The following DUS2 variants were observed in gnomAD, a reference collection of about 807,000 sequenced individuals.
The protein encoded by DUS2 is tRNA-dihydrouridine(20) synthase [NAD(P)+]-like.
In DUS2, 52 loss-of-function variants were observed where a neutral mutation model predicts 71.3. That is an observed-to-expected ratio of 0.73 (90% CI 0.58 to 0.92). The LOEUF (loss-of-function observed/expected upper bound fraction) is 0.92. Ranked by LOEUF, DUS2 falls within the 40% of genes least tolerant of loss-of-function variation. The pLI, the probability that DUS2 is intolerant of heterozygous loss-of-function variation, is 0.00. For synonymous variants in DUS2, 204 were observed against 227.8 expected (o/e 0.90, Z 0.94); for missense variants, 558 against 622.6 (o/e 0.90, Z 1.10).
At chr16:68,053,750 G>A (rs559473301) in intron 5 of DUS2, 95 bp downstream of exon 5, 2 of 1,292,152 alleles carry the variant, frequency 1.5e-6, no homozygotes, top group South Asian at 1.2e-5. Context: ...TGAATACCTG[G>A]GGTACATTGT....
intron 14 of DUS2, among the ~76,000 whole-genome samples, chr16:68,075,884 A>C (rs1035773510): frequency 6.6e-6 from 1 of 151,860 alleles, no homozygotes; most frequent in African/African-American, 2.4e-5. Context: ...GCCCCTACCC[A>C]CACCCAGTGC....
At position 68,075,424 on chromosome 16, in the gene DUS2, C is replaced by T. The variant is rs769019145; in HGVS notation, c.1002C>T (p.Leu334=). 5 of 1,614,022 alleles carry T rather than the reference C, an allele frequency of 3.1e-6. No individual in the cohort carries two copies. Among genetic ancestry groups the T allele is most frequent in the Non-Finnish European group, 4.2e-6 (5 of 1,179,952 alleles). ...AGCTGGATGCCCAGCAGGCCAGGCT[C>T]TCAGCCAAGACTTCAGAGCAGACAG... ...TQELDAQQAR[L]SAKTSEQTGE... The change falls in exon 14 of 17, where the codon CTC becomes CTT. Residue 334 remains leucine, a synonymous_variant. Coordinates refer to ENST00000565263, the MANE Select transcript of DUS2 (RefSeq NM_017803.5).
chr16:68,069,342 T>G (rs1327671593), intron 10 of DUS2, among the ~76,000 whole-genome samples: 10 of 152,106 alleles, frequency 6.6e-5, no homozygotes, highest in Non-Finnish European at 8.8e-5. Flanking sequence ...GAGCCGAGAT[T>G]GCACCATTGC....
chr16:68,044,548 AC>A (rs1410309575), intron 3 of DUS2, among the ~76,000 whole-genome samples: 2 of 150,960 alleles, frequency 1.3e-5, no homozygotes, highest in South Asian at 2.1e-4. Context: ...GCCATACTCC[AC>A]CCCACATGGC....
At chr16:68,024,547 C>G (rs933234465) in intron 1 of DUS2, among the ~76,000 whole-genome samples, 1 of 152,052 alleles carries the variant, frequency 6.6e-6, no homozygotes, top group Non-Finnish European at 1.5e-5. Context: ...CATCAAATAC[C>G]AATGAAAAGA....
chr16:68,072,065 G>A (rs1320272568), intron 12 of DUS2, among the ~76,000 whole-genome samples: 2 of 152,222 alleles, frequency 1.3e-5, no homozygotes, highest in East Asian at 3.8e-4. Context: ...TGAACAGAGG[G>A]TGCAGTCTTT....
rs150058704 is a variant in DUS2 at position 68,038,258 on chromosome 16, A to G, written c.126+109A>G. The G allele has an allele frequency of 5.5e-4, 801 of 1,459,844 alleles. 3 individuals carry two copies. The African/African-American group carries it at 8.6e-3, about 16-fold the overall frequency. 90.4% of individuals were successfully genotyped at this position (1,459,844 alleles called of 1,614,324 possible). On this transcript the variant is annotated intron_variant, in intron 3 of 16. Coordinates refer to ENST00000565263, the MANE Select transcript of DUS2 (RefSeq NM_017803.5). Reference sequence around the variant, plus strand: ...TGGGGACAGAATGGGAATTGACTTTATAGGTGTTCACCAAAGGCTGGAGGA... The same window carrying G: ...TGGGGACAGAATGGGAATTGACTTTGTAGGTGTTCACCAAAGGCTGGAGGA...
chr16:68,030,590 C>A (rs1169329109), intron 2 of DUS2, among the ~76,000 whole-genome samples: 2 of 150,762 alleles, frequency 1.3e-5, no homozygotes, highest in East Asian at 1.9e-4. Flanking sequence ...GACTCCATCT[C>A]AAAAAATAAA....
At chr16:68,043,234 C>G (rs2033657066) in intron 3 of DUS2, among the ~76,000 whole-genome samples, 1 of 152,050 alleles carries the variant, frequency 6.6e-6, no homozygotes, top group African/African-American at 2.4e-5. Context: ...TGGTGAAACC[C>G]CGTCTCTACA....
chr16:68,059,169 C>T (rs375058098), intron 7 of DUS2, among the ~76,000 whole-genome samples: 5 of 151,964 alleles, frequency 3.3e-5, no homozygotes, highest in Non-Finnish European at 4.4e-5. Context: ...GCCAAGATCA[C>T]GCCACTGCAG....
intron 15 of DUS2, chr16:68,077,494 C>G (rs773383858): frequency 1.3e-5 from 2 of 152,188 alleles, no homozygotes; most frequent in African/African-American, 4.8e-5. Flanking sequence ...TCAAGTGATT[C>G]TCCTGTGTCA....
At chr16:68,045,357 G>A (rs1481546830) in intron 3 of DUS2, among the ~76,000 whole-genome samples, 2 of 151,838 alleles carry the variant, frequency 1.3e-5, no homozygotes, top group Non-Finnish European at 2.9e-5. Context: ...TGTAATCCCA[G>A]CACTTTGGGA....
chr16:68,032,367 C>T (rs1431170695), intron 2 of DUS2, among the ~76,000 whole-genome samples: 1 of 152,174 alleles, frequency 6.6e-6, no homozygotes, highest in Non-Finnish European at 1.5e-5. Context: ...CAGCCACACT[C>T]CTGTTCTTGT....
intron 7 of DUS2, among the ~76,000 whole-genome samples, chr16:68,059,098 A>G (rs763385637): frequency 2.0e-5 from 3 of 152,160 alleles, no homozygotes; most frequent in Non-Finnish European, 2.9e-5. Flanking sequence ...CTGTAGTCCC[A>G]GCTACTTGGG....
chr16:68,057,796 G>A (rs1476367085), intron 7 of DUS2, among the ~76,000 whole-genome samples: 3 of 150,442 alleles, frequency 2.0e-5, no homozygotes, highest in East Asian at 2.0e-4. Context: ...CAGGAGAATC[G>A]CTTGAACCTG....
intron 7 of DUS2, among the ~76,000 whole-genome samples, chr16:68,056,918 A>C (rs1446734327): frequency 2.1e-5 from 3 of 143,326 alleles, no homozygotes; most frequent in African/African-American, 7.6e-5. Context: ...ATTCTATATA[A>C]TATAATAATA....
At chr16:68,027,920 A>G (rs934041132) in intron 2 of DUS2, among the ~76,000 whole-genome samples, 2 of 152,182 alleles carry the variant, frequency 1.3e-5, no homozygotes, top group Non-Finnish European at 2.9e-5. Flanking sequence ...GGAACTAGAA[A>G]TATTTAAGAA....
chr16:68,062,801 C>T (rs925686603), intron 8 of DUS2, among the ~76,000 whole-genome samples: 1 of 151,638 alleles, frequency 6.6e-6, no homozygotes, highest in Non-Finnish European at 1.5e-5. Context: ...TCTTCTGACT[C>T]CTAGTGTCAG....
intron 7 of DUS2, among the ~76,000 whole-genome samples, chr16:68,057,313 T>TA (rs984444648): frequency 7.7e-5 from 11 of 143,026 alleles, no homozygotes; most frequent in Non-Finnish European, 1.2e-4. Context: ...AATGCAAAGG[T>TA]ACAGAGAAAA....
Sources: gnomAD v4.1 joint callset for allele counts (sites outside exome capture counted in the v4.1 genomes callset) on GRCh38, gnomAD v4.1.1 for gene constraint, MANE v1.5 for transcripts, NCBI Gene and HGNC (gene_info 2026-07-23, HGNC 2026-07-21) for gene names.